SH3KBP1: variants seen among roughly 807,000 people sequenced by gnomAD.
SH3KBP1 encodes SH3 domain-containing kinase-binding protein 1.
A neutral mutation model predicts 50.1 loss-of-function variants in SH3KBP1; 8 were observed. The ratio of observed to expected loss-of-function variants is 0.16; its 90% CI spans 0.09 to 0.29. The LOEUF is 0.29. Ranked by LOEUF, SH3KBP1 falls within the 10% of genes least tolerant of loss-of-function variation. The pLI, the probability that SH3KBP1 is intolerant of heterozygous loss-of-function variation, is 1.00. For synonymous variants in SH3KBP1, 227 were observed against 218.6 expected (o/e 1.04, Z -0.34); for missense variants, 377 against 535.2 (o/e 0.70, Z 2.92).
At chrX:19,878,356 T>C (rs1214971487) in intron 1 of SH3KBP1, among the ~76,000 whole-genome samples, 1 of 100,956 alleles carries the variant, frequency 9.9e-6, no homozygotes, top group African/African-American at 3.8e-5. Flanking sequence ...CAGACTGGAG[T>C]GCAGTGGTGC....
At chrX:19,550,367 T>C (rs1195218230) in intron 13 of SH3KBP1, among the ~76,000 whole-genome samples, 1 of 111,708 alleles carries the variant, frequency 9.0e-6, no homozygotes, top group Non-Finnish European at 1.9e-5. Context: ...AAAAGCTACA[T>C]AAAGAGGATT....
intron 13 of SH3KBP1, among the ~76,000 whole-genome samples, chrX:19,559,701 G>C (rs971182472): frequency 1.8e-5 from 2 of 111,188 alleles, no homozygotes; most frequent in African/African-American, 6.5e-5. Context: ...CCAAAAACCA[G>C]ACCGTAGTCT....
At chrX:19,797,848 T>C (rs2066766470) in intron 2 of SH3KBP1, among the ~76,000 whole-genome samples, 1 of 107,311 alleles carries the variant, frequency 9.3e-6, no homozygotes, top group African/African-American at 3.4e-5. Context: ...ATAAAGCACA[T>C]AGTACAGTTA....
intron 1 of SH3KBP1, among the ~76,000 whole-genome samples, chrX:19,868,873 C>T (rs1484844273): frequency 9.2e-6 from 1 of 109,066 alleles, no homozygotes; most frequent in African/African-American, 3.3e-5. Flanking sequence ...AAAGTATGTC[C>T]ATGCCCTAAT....
intron 2 of SH3KBP1, among the ~76,000 whole-genome samples, chrX:19,774,648 C>CA (rs370626321): frequency 4.8e-5 from 2 of 41,667 alleles, no homozygotes; most frequent in African/African-American, 8.5e-5. Context: ...TCCCCTGTCT[C>CA]AAAAAAAAAG....
intron 5 of SH3KBP1, among the ~76,000 whole-genome samples, chrX:19,690,099 G>A (rs1019712428): frequency 1.4e-4 from 13 of 95,073 alleles, no homozygotes; most frequent in East Asian, 3.2e-4. Flanking sequence ...TTGCTCTGTC[G>A]CCCAGGCTCG....
At chrX:19,787,904 G>A (rs887255141) in intron 2 of SH3KBP1, among the ~76,000 whole-genome samples, 2 of 111,563 alleles carry the variant, frequency 1.8e-5, no homozygotes, top group South Asian at 3.7e-4. Context: ...GCTGCCGGAC[G>A]CAGGCAGAGG....
chrX:19,605,584 C>T (rs779317859), intron 9 of SH3KBP1, among the ~76,000 whole-genome samples: 1 of 111,264 alleles, frequency 9.0e-6, no homozygotes, highest in Non-Finnish European at 1.9e-5. Context: ...GACTGAACAG[C>T]CCCCTTGCCT....
intron 6 of SH3KBP1, among the ~76,000 whole-genome samples, chrX:19,675,196 G>A (rs940878400): frequency 9.0e-6 from 1 of 111,134 alleles, no homozygotes; most frequent in Non-Finnish European, 1.9e-5. Flanking sequence ...AATAACTAAC[G>A]TTAATCAAGT....
chrX:19,774,913 C>A (rs1358006202), intron 2 of SH3KBP1, among the ~76,000 whole-genome samples: 1 of 110,986 alleles, frequency 9.0e-6, no homozygotes, highest in Admixed American at 9.6e-5. Flanking sequence ...CAAAGCTAGA[C>A]CCCCACACCT....
chrX:19,568,088 A>G (rs952063290), intron 13 of SH3KBP1, among the ~76,000 whole-genome samples: 1 of 110,890 alleles, frequency 9.0e-6, no homozygotes, highest in Admixed American at 9.6e-5. Context: ...GATGATTACC[A>G]GAGGCTGGGA....
intron 2 of SH3KBP1, among the ~76,000 whole-genome samples, chrX:19,784,043 T>C (rs2066263671): frequency 8.9e-6 from 1 of 112,244 alleles, no homozygotes; most frequent in Admixed American, 9.5e-5. Flanking sequence ...TATCAATTAT[T>C]TGACGACCAT....
intron 5 of SH3KBP1, among the ~76,000 whole-genome samples, chrX:19,686,457 G>C (rs771420290): frequency 4.8e-4 from 53 of 111,415 alleles, no homozygotes; most frequent in African/African-American, 1.6e-3. Flanking sequence ...GCTCATTACA[G>C]GTAGGCAGTG....
rs370190945 is a variant in SH3KBP1 at position 19,813,160 on chromosome X, A to AAAGAAGAAG, written c.162+22956_162+22964dup. ...CCTGTCTCCAAAAACAAACAAAAAA[A>AAAGAAGAAG]AAGAAGAAGAAGAAGAAGAAGAAGA... On this transcript the variant is annotated intron_variant, in intron 2 of 17. Coordinates refer to ENST00000397821, the MANE Select transcript of SH3KBP1 (RefSeq NM_031892.3). Among the ~76,000 whole-genome samples the AAAGAAGAAG allele has an allele frequency of 3.2e-3, 339 of 104,569 alleles. 4 individuals are homozygous for AAAGAAGAAG. The highest frequency in any genetic ancestry group is 0.011 in the African/African-American group (311 of 27,207). 90.8% of individuals were successfully genotyped at this position (104,569 alleles called of 115,157 possible).
intron 2 of SH3KBP1, among the ~76,000 whole-genome samples, chrX:19,779,298 CAAAA>C (rs750278989): frequency 1.2e-4 from 6 of 48,474 alleles, no homozygotes; most frequent in African/African-American, 4.0e-4. Flanking sequence ...GACCCTGTCT[CAAAA>C]AAAAAAAAAA....
intron 4 of SH3KBP1, 108 bp downstream of exon 4, chrX:19,706,773 C>G (rs978007281): frequency 4.0e-5 from 23 of 581,833 alleles, no homozygotes; most frequent in South Asian, 1.7e-4. Flanking sequence ...TCCCTAACTT[C>G]AAGGCCAAAC....
In SH3KBP1 at chrX:19,884,948, AC is replaced by A. The variant is rs778272905; in HGVS notation, c.4+2358del. On this transcript the variant is annotated intron_variant, in intron 1 of 17. Transcript: ENST00000397821. ...TTTTTCAGAAAACGAAATATAAGATACAGTTTTACTATGTTATCCATCAAGA... is the reference window on the plus strand; with the variant it reads ...TTTTTCAGAAAACGAAATATAAGATAAGTTTTACTATGTTATCCATCAAGA... Among the ~76,000 whole-genome samples, 15 of 111,533 alleles carry A rather than the reference AC, an allele frequency of 1.3e-4. No individual in the cohort carries two copies. In the East Asian group the frequency reaches 3.9e-3, roughly 29 times the overall value.
chrX:19,760,029 T>TCTCTCTCC (rs2065342772), intron 2 of SH3KBP1, among the ~76,000 whole-genome samples: 1 of 68,543 alleles, frequency 1.5e-5, no homozygotes, highest in Non-Finnish European at 2.7e-5. Flanking sequence ...CTCTCCTCTC[T>TCTCTCTCC]CTCTCTCTCT....
At chrX:19,565,851 G>C (rs73457631) in intron 13 of SH3KBP1, among the ~76,000 whole-genome samples, 3,690 of 111,229 alleles carry the variant, frequency 0.033, 145 homozygotes, top group African/African-American at 0.11. Context: ...TTTTAAAATG[G>C]TGTACAACAA....
Sources: gnomAD v4.1 joint callset for allele counts (sites outside exome capture counted in the v4.1 genomes callset) on GRCh38, gnomAD v4.1.1 for gene constraint, MANE v1.5 for transcripts, NCBI Gene and HGNC (gene_info 2026-07-23, HGNC 2026-07-21) for gene names.